TRPM3: variants seen among roughly 807,000 people sequenced by gnomAD.
The protein encoded by TRPM3 is transient receptor potential cation channel subfamily M member 3, also known as long transient receptor potential channel 3.
A neutral mutation model predicts 181.2 loss-of-function variants in TRPM3; 77 were observed. That is an observed-to-expected ratio of 0.42 (90% confidence interval 0.35 to 0.51). The LOEUF (loss-of-function observed/expected upper bound fraction) is 0.51, where lower values mean the gene tolerates loss of function less well. TRPM3 is among the 20% of genes least tolerant of loss of function. TRPM3 has a pLI of 0.01. For synonymous variants in TRPM3, 745 were observed against 796.4 expected (o/e 0.94, Z 1.09); for missense variants, 1,759 against 2,196.7 (o/e 0.80, Z 3.98).
At chr9:70,547,550 A>C (rs944624780) in intron 25 of TRPM3, among the ~76,000 whole-genome samples, 1 of 151,378 alleles carries the variant, frequency 6.6e-6, no homozygotes, top group African/African-American at 2.4e-5. Flanking sequence ...AAAAAAAAAA[A>C]AAACCCAACA....
chr9:70,588,218 T>C (rs1452390353), intron 22 of TRPM3, among the ~76,000 whole-genome samples: 2 of 152,160 alleles, frequency 1.3e-5, no homozygotes, highest in African/African-American at 4.8e-5. Context: ...GCTTTATTGA[T>C]CTTATCGATC....
At chr9:70,663,090 C>G (rs2061350926) in intron 9 of TRPM3, among the ~76,000 whole-genome samples, 1 of 152,144 alleles carries the variant, frequency 6.6e-6, no homozygotes, top group Non-Finnish European at 1.5e-5. Flanking sequence ...TCTTTTGCAG[C>G]AGCTTGGGTG....
At chr9:70,797,309 T>C (rs2087373719) in intron 6 of TRPM3, among the ~76,000 whole-genome samples, 1 of 152,180 alleles carries the variant, frequency 6.6e-6, no homozygotes, top group Non-Finnish European at 1.5e-5. Flanking sequence ...GCGTCTGTGC[T>C]CATTGGTTTT....
chr9:71,199,777 G>A (rs1025264494), intron 1 of TRPM3, among the ~76,000 whole-genome samples: 2 of 149,760 alleles, frequency 1.3e-5, no homozygotes, highest in African/African-American at 2.4e-5. Context: ...TTCTTTATTA[G>A]TCTTGCTAGC....
At chr9:70,849,721 T>C (rs150402860) in intron 3 of TRPM3, among the ~76,000 whole-genome samples, 2 of 152,310 alleles carry the variant, frequency 1.3e-5, no homozygotes, top group African/African-American at 4.8e-5. Flanking sequence ...TAATTAATTC[T>C]GGAATTTAAG....
At chr9:71,087,447 A>C (rs1311157638) in intron 1 of TRPM3, among the ~76,000 whole-genome samples, 1 of 152,084 alleles carries the variant, frequency 6.6e-6, no homozygotes, top group African/African-American at 2.4e-5. Context: ...GAGCAAGCAT[A>C]AATCTTACTG....
At chr9:70,811,878 A>T (rs953220286) in intron 6 of TRPM3, among the ~76,000 whole-genome samples, 1 of 152,164 alleles carries the variant, frequency 6.6e-6, no homozygotes, top group Admixed American at 6.5e-5. Context: ...AATTGGACTG[A>T]TTCCTCTTTC....
At chr9:71,291,338 T>C (rs1255020749) in intron 1 of TRPM3, among the ~76,000 whole-genome samples, 2 of 152,176 alleles carry the variant, frequency 1.3e-5, no homozygotes, top group South Asian at 2.1e-4. Context: ...GAAAGTAACC[T>C]GATGTTAACC....
At chr9:70,605,749 C>G (rs1424123316) in intron 19 of TRPM3, among the ~76,000 whole-genome samples, 1 of 152,218 alleles carries the variant, frequency 6.6e-6, no homozygotes, top group Admixed American at 6.5e-5. Flanking sequence ...TGAACTCTTT[C>G]CCTCTCCTTG....
chr9:71,166,088 G>A (rs2076527611), intron 1 of TRPM3, among the ~76,000 whole-genome samples: 1 of 152,136 alleles, frequency 6.6e-6, no homozygotes, highest in Admixed American at 6.5e-5. Flanking sequence ...GGTCCTCTAT[G>A]AAGAATCAAG....
At chr9:71,061,359 G>A (rs149210861) in intron 1 of TRPM3, among the ~76,000 whole-genome samples, 115 of 152,210 alleles carry the variant, frequency 7.6e-4, no homozygotes, top group South Asian at 1.7e-3. Context: ...GTTGCACATG[G>A]GGTTTGTGTG....
intron 1 of TRPM3, among the ~76,000 whole-genome samples, chr9:70,908,934 C>T (rs946884520): frequency 2.6e-5 from 4 of 152,136 alleles, no homozygotes; most frequent in African/African-American, 7.2e-5. Context: ...ACAAAACTAC[C>T]GCATCTTATG....
chr9:70,688,023 A>G (rs551660277), intron 8 of TRPM3, among the ~76,000 whole-genome samples: 2 of 152,208 alleles, frequency 1.3e-5, no homozygotes, highest in East Asian at 1.9e-4. Flanking sequence ...TCTTCCTCCT[A>G]TCTACTTCTC....
intron 8 of TRPM3, among the ~76,000 whole-genome samples, chr9:70,689,372 C>T (rs2067855994): frequency 6.6e-6 from 1 of 151,708 alleles, no homozygotes; most frequent in South Asian, 2.1e-4. Flanking sequence ...TATATTATAG[C>T]ATTAGCATAA....
At chr9:71,297,067 C>T (rs536581250) in intron 1 of TRPM3, among the ~76,000 whole-genome samples, 1 of 145,914 alleles carries the variant, frequency 6.9e-6, no homozygotes, top group East Asian at 2.1e-4. Flanking sequence ...TCTCTGCTCA[C>T]TGCAACCTCC....
At chr9:71,279,062 TA>T (rs924725845) in intron 1 of TRPM3, among the ~76,000 whole-genome samples, 2 of 97,248 alleles carry the variant, frequency 2.1e-5, no homozygotes, top group African/African-American at 3.8e-5. Context: ...AAAATAAAAA[TA>T]AAAAAACCAC....
In TRPM3 at chr9:71,443,971, G is replaced by A. The variant is rs566006896; in HGVS notation, c.183+2682C>T. ...CAAGGCGGGCAGATCACGAGGTCAG[G>A]AGATCGAGACCATCCTGGCCAACAT... On this transcript the variant is annotated intron_variant, in intron 1 of 24. Coordinates refer to the TRPM3 transcript ENST00000357533. Among the ~76,000 whole-genome samples the A allele has an allele frequency of 3.5e-4, 54 of 152,168 alleles. No homozygotes were observed. The South Asian group carries it at 8.9e-3, about 25-fold the overall frequency.
In TRPM3 at chr9:70,535,187, T is replaced by C. The variant is rs1001266720; in HGVS notation, c.*766A>G. The C allele has an allele frequency of 1.8e-5, 10 of 540,784 alleles. No homozygotes were observed. The highest frequency in any genetic ancestry group is 1.7e-4 in the African/African-American group (9 of 53,038). 33.5% of individuals were successfully genotyped at this position (540,784 alleles called of 1,614,324 possible). ...AGACTTGAACGCCCACTGTATATAA[T>C]AAATCACTTGACTTTTGTTTTTTTA... On this transcript the variant is annotated 3_prime_UTR_variant, in exon 26 of 26. Transcript: ENST00000677713.
chr9:71,007,039 C>CAGAAAAA (rs2097684732), intron 1 of TRPM3, among the ~76,000 whole-genome samples: 1 of 27,972 alleles, frequency 3.6e-5, no homozygotes, highest in Non-Finnish European at 5.9e-5. Flanking sequence ...AACTCCATCT[C>CAGAAAAA]AAAAAAAAAA....
Sources: allele counts gnomAD v4.1 joint callset (sites outside exome capture counted in the v4.1 genomes callset), GRCh38; gene constraint gnomAD v4.1.1; transcripts MANE v1.5; gene names NCBI Gene and HGNC (gene_info 2026-07-23, HGNC 2026-07-21).